The following GOLGA5 variants were observed in gnomAD, a reference collection of about 807,000 sequenced individuals.
GOLGA5 encodes the protein golgin A5.
A neutral mutation model predicts 93.5 loss-of-function variants in GOLGA5; 50 were observed. That is an observed-to-expected ratio of 0.53 (90% CI 0.43 to 0.68). The LOEUF is 0.68. Ranked by LOEUF, GOLGA5 falls within the 30% of genes least tolerant of loss-of-function variation. GOLGA5 has a pLI of 0.00. For missense variants in GOLGA5, 760 were observed against 856.4 expected (o/e 0.89, Z 1.40); for synonymous variants, 312 against 304.5 (o/e 1.02, Z -0.26).
chr14:92,836,741 A>G lies in GOLGA5; in HGVS notation c.2052-645A>G, dbSNP rs527664521. ...CCAGTCACATAGTTGACACCCACCTAATCTTTCGTAACTTCTGTAATTCCA... is the reference window on the plus strand; with the variant it reads ...CCAGTCACATAGTTGACACCCACCTGATCTTTCGTAACTTCTGTAATTCCA... On this transcript the variant is annotated intron_variant, in intron 11 of 12. Coordinates refer to ENST00000163416, the MANE Select transcript of GOLGA5 (RefSeq NM_005113.4). Among the ~76,000 whole-genome samples, 10 of 152,188 alleles carry G rather than the reference A, an allele frequency of 6.6e-5. No individual in the cohort carries two copies. In the South Asian group the frequency reaches 2.1e-3, roughly 32 times the overall value.
Position 92,839,759 on chromosome 14 carries a change from A to G in GOLGA5, c.*313A>G, listed in dbSNP as rs1028425826. 3.2e-6 allele frequency: 1 copy of G among 308,574 alleles called. No individual in the cohort carries two copies. Among genetic ancestry groups the G allele is most frequent in the Non-Finnish European group, 5.9e-6 (1 of 168,370 alleles). The allele number at this position is 308,574 out of a possible 1,614,324, so 19.1% of individuals were successfully genotyped here. On this transcript the variant is annotated 3_prime_UTR_variant, in exon 13 of 13. Transcript: ENST00000163416. The stretch of plus-strand genomic sequence containing the variant: ...ACAGACCATCTGTATGTTAGGTGAC[A>G]TTGATTATGGGTTATAATCAGGGAA...
At chr14:92,827,276 C>T (rs1291865317) in intron 9 of GOLGA5, among the ~76,000 whole-genome samples, 1 of 151,298 alleles carries the variant, frequency 6.6e-6, no homozygotes, top group Non-Finnish European at 1.5e-5. Flanking sequence ...AGTCTGTCCA[C>T]ACCATTTTTC....
chr14:92,808,265 AC>A (rs772799689), intron 3 of GOLGA5, among the ~76,000 whole-genome samples: 1 of 151,858 alleles, frequency 6.6e-6, no homozygotes, highest in Non-Finnish European at 1.5e-5. Context: ...AACAACAACA[AC>A]AAAAACAAAG....
At chr14:92,814,005 T>A (rs117643032) in intron 6 of GOLGA5, among the ~76,000 whole-genome samples, 2,895 of 152,148 alleles carry the variant, frequency 0.019, 45 homozygotes, top group Middle Eastern at 0.041. Flanking sequence ...GAATGATGTT[T>A]CCTTGTGTTA....
chr14:92,827,582 G>T (rs941961929), intron 9 of GOLGA5, among the ~76,000 whole-genome samples: 2 of 152,090 alleles, frequency 1.3e-5, no homozygotes, highest in Non-Finnish European at 2.9e-5. Flanking sequence ...AACCTACAAT[G>T]GCCTCTAGGT....
intron 12 of GOLGA5, among the ~76,000 whole-genome samples, chr14:92,838,632 C>CT (rs952174814): frequency 6.6e-6 from 1 of 152,124 alleles, no homozygotes; most frequent in Non-Finnish European, 1.5e-5. Context: ...TCCCAAAGTG[C>CT]TGGGATTACA....
At chr14:92,837,271 C>T in intron 11 of GOLGA5, 115 bp from the exon 12 acceptor site, 1 of 585,852 alleles carries the variant, frequency 1.7e-6, no homozygotes, top group East Asian at 2.9e-5. Context: ...GTGGTAGCCA[C>T]ATAAATAGTT....
intron 6 of GOLGA5, among the ~76,000 whole-genome samples, chr14:92,812,687 G>C (rs1448272706): frequency 1.3e-5 from 2 of 151,932 alleles, no homozygotes; most frequent in East Asian, 3.9e-4. Flanking sequence ...AGAACATTTG[G>C]CTCTGTTAAC....
At chr14:92,813,134 T>C (rs768918451) in intron 6 of GOLGA5, among the ~76,000 whole-genome samples, 3 of 152,218 alleles carry the variant, frequency 2.0e-5, no homozygotes, top group Admixed American at 2.0e-4. Context: ...ATACCTTTTT[T>C]TAATGCTACT....
chr14:92,811,532 A>G lies in GOLGA5; in HGVS notation c.1117-19A>G. 1 of 1,467,328 alleles carries G rather than the reference A, an allele frequency of 6.8e-7. No individual in the cohort carries two copies. Among genetic ancestry groups the G allele is most frequent in the African/African-American group, 1.4e-5 (1 of 72,164 alleles). 90.9% of individuals were successfully genotyped at this position (1,467,328 alleles called of 1,614,324 possible). On this transcript the variant is annotated intron_variant, in intron 5 of 12. Coordinates refer to ENST00000163416, the MANE Select transcript of GOLGA5 (RefSeq NM_005113.4). Reference sequence around the variant, plus strand: ...AAGCTAAATGATATCATTAATTATGATATAAAAATTTGTCACAGAGCGAGT... The same window carrying G: ...AAGCTAAATGATATCATTAATTATGGTATAAAAATTTGTCACAGAGCGAGT...
At chr14:92,798,517 A>C (rs118044765) in intron 2 of GOLGA5, among the ~76,000 whole-genome samples, 1 of 152,226 alleles carries the variant, frequency 6.6e-6, no homozygotes, top group African/African-American at 2.4e-5. Context: ...CTTGTTTTCA[A>C]TTGTTTAATT....
chr14:92,806,768 G>T lies in GOLGA5; in HGVS notation c.577G>T (p.Gly193Cys), dbSNP rs1416859338. 1 of 1,613,546 alleles carries T rather than the reference G, an allele frequency of 6.2e-7. No homozygotes were observed. The highest frequency in any genetic ancestry group is 1.3e-5 in the African/African-American group (1 of 74,886). ...CAGTAACTCAGATTCTAGCCATGAA[G>T]GTCAAGAGGAATCTTCAAAGGAAAA... ...AASNSDSSHE[G>C]QEESSKENVS... is the part of the protein sequence containing the mutation. The change falls in exon 3 of 13, where the codon GGT (glycine) becomes TGT (cysteine). Residue 193 changes from glycine (G) to cysteine (C), a missense_variant. Physicochemically the swap from Gly to Cys is radical, Grantham distance 159. Transcript: ENST00000163416.
chr14:92,820,921 T>C (rs930128515), intron 8 of GOLGA5, among the ~76,000 whole-genome samples: 2 of 152,236 alleles, frequency 1.3e-5, no homozygotes, highest in African/African-American at 2.4e-5. Flanking sequence ...GAATTTCTTA[T>C]GTCTTCCTTT....
chr14:92,835,297 A>G (rs1885617110), intron 10 of GOLGA5, among the ~76,000 whole-genome samples: 1 of 152,150 alleles, frequency 6.6e-6, no homozygotes, highest in African/African-American at 2.4e-5. Context: ...ACTCTTGTCA[A>G]CGCTTAGTAT....
At chr14:92,814,559 G>A (rs1235123968) in intron 6 of GOLGA5, among the ~76,000 whole-genome samples, 1 of 151,676 alleles carries the variant, frequency 6.6e-6, no homozygotes, top group Non-Finnish European at 1.5e-5. Flanking sequence ...GGAGGTTTCT[G>A]GTTTTTTATT....
intron 8 of GOLGA5, among the ~76,000 whole-genome samples, chr14:92,821,396 C>G (rs1198009241): frequency 6.6e-6 from 1 of 152,090 alleles, no homozygotes; most frequent in Non-Finnish European, 1.5e-5. Flanking sequence ...CTTTAATGTA[C>G]TCATATAATA....
chr14:92,807,823 C>A (rs200177189), intron 3 of GOLGA5, among the ~76,000 whole-genome samples: 2 of 151,984 alleles, frequency 1.3e-5, no homozygotes, highest in African/African-American at 4.8e-5. Context: ...GAGAAGAAAA[C>A]GAGTGACAAA....
In GOLGA5 at chr14:92,833,186, C is replaced by T. The variant is rs201106133; in HGVS notation, c.1784C>T (p.Thr595Ile). Residue 595 changes from threonine (T) to isoleucine (I), a missense_variant, in exon 10 of 13, where the codon ACA becomes ATA. Coordinates refer to ENST00000163416, the MANE Select transcript of GOLGA5 (RefSeq NM_005113.4). ...TTAGAAAATCGACTCCATCAGCTAA[C>T]AGAGACTCTCATCCAGAAACAGACC... ...SELENRLHQL[T>I]ETLIQKQTML... 3.1e-6 allele frequency: 5 copies of T among 1,613,192 alleles called. No homozygotes were observed. The highest frequency in any genetic ancestry group is 1.6e-4 in the Middle Eastern group (1 of 6,084).
chr14:92,817,285 A>G (rs1291481831), intron 7 of GOLGA5, among the ~76,000 whole-genome samples: 1 of 152,198 alleles, frequency 6.6e-6, no homozygotes, highest in Non-Finnish European at 1.5e-5. Context: ...GGTGATAAAA[A>G]ACAGATCAAT....
Sources: allele counts gnomAD v4.1 joint callset (sites outside exome capture counted in the v4.1 genomes callset), GRCh38; gene constraint gnomAD v4.1.1; transcripts MANE v1.5; gene names NCBI Gene and HGNC (gene_info 2026-07-23, HGNC 2026-07-21).